The following TINAG variants were observed in gnomAD, a reference collection of about 807,000 sequenced individuals.
TINAG encodes the protein tubulointerstitial nephritis antigen.
TINAG carries 83 observed loss-of-function variants against 72.7 expected under a neutral mutation model. That is an observed-to-expected ratio of 1.14 (90% CI 0.96 to 1.37). The LOEUF is 1.37. Ranked by LOEUF, TINAG falls within the 40% of genes most tolerant of loss-of-function variation. TINAG has a pLI of 0.00. For synonymous variants in TINAG, 234 were observed against 189.9 expected (o/e 1.23, Z -1.91); for missense variants, 685 against 576.6 (o/e 1.19, Z -1.93).
intron 9 of TINAG, among the ~76,000 whole-genome samples, chr6:54,355,494 A>G (rs981890946): frequency 2.6e-5 from 4 of 151,920 alleles, no homozygotes; most frequent in African/African-American, 7.2e-5. Context: ...TATGTAGACA[A>G]GCTGTCCTGT....
chr6:54,312,789 G>T (rs565214395), intron 1 of TINAG, among the ~76,000 whole-genome samples: 1 of 152,136 alleles, frequency 6.6e-6, no homozygotes, highest in Non-Finnish European at 1.5e-5. Flanking sequence ...ACAATTCTGC[G>T]TGCAAGGTCT....
At chr6:54,317,913 A>C (rs927793869) in intron 1 of TINAG, among the ~76,000 whole-genome samples, 1 of 152,034 alleles carries the variant, frequency 6.6e-6, no homozygotes, top group Non-Finnish European at 1.5e-5. Context: ...CAAATGCAAT[A>C]TTCAGATGTC....
intron 5 of TINAG, among the ~76,000 whole-genome samples, chr6:54,345,273 A>T (rs1785093657): frequency 6.6e-6 from 1 of 152,146 alleles, no homozygotes; most frequent in South Asian, 2.1e-4. Context: ...CTAAACCATC[A>T]TTGAGATTCA....
Position 54,343,224 on chromosome 6 carries a change from A to T in TINAG, c.625-2A>T. The T allele has an allele frequency of 1.3e-6, 2 of 1,552,092 alleles. No homozygotes were observed. The highest frequency in any genetic ancestry group is 2.5e-5 in the South Asian group (2 of 78,560). On this transcript the variant is annotated splice_acceptor_variant, in intron 4 of 10. Coordinates refer to ENST00000259782, the MANE Select transcript of TINAG (RefSeq NM_014464.4). LOFTEE classifies it high-confidence loss of function. ...ATATATGTACCTCTTCTTCCTCTTTAGGCTTCTTTACCTGCAACAACTGAT... is the reference window on the plus strand; with the variant it reads ...ATATATGTACCTCTTCTTCCTCTTTTGGCTTCTTTACCTGCAACAACTGAT...
At chr6:54,360,986 T>C (rs1467927830) in intron 9 of TINAG, among the ~76,000 whole-genome samples, 1 of 150,818 alleles carries the variant, frequency 6.6e-6, no homozygotes, top group African/African-American at 2.4e-5. Context: ...CTCACAATAT[T>C]TCAAACTTTT....
chr6:54,343,484 G>A, intron 5 of TINAG, 135 bp downstream of exon 5: 1 of 946,068 alleles, frequency 1.1e-6, no homozygotes, highest in Non-Finnish European at 1.4e-6. Flanking sequence ...CATTATGATG[G>A]AAGAAAGTAA....
At chr6:54,333,920 A>G (rs1784802056) in intron 4 of TINAG, among the ~76,000 whole-genome samples, 1 of 152,190 alleles carries the variant, frequency 6.6e-6, no homozygotes. Context: ...TTCTGTTAAA[A>G]GCATATCTTC....
intron 9 of TINAG, among the ~76,000 whole-genome samples, chr6:54,364,957 A>T (rs553218930): frequency 6.6e-6 from 1 of 151,688 alleles, no homozygotes; most frequent in East Asian, 1.9e-4. Flanking sequence ...AAATTATTTG[A>T]CATAGTTTTG....
At chr6:54,327,293 C>A in intron 4 of TINAG, 1 of 1,103,616 alleles carries the variant, frequency 9.1e-7, no homozygotes, top group Middle Eastern at 2.6e-4. Flanking sequence ...GGGTGCAGCC[C>A]ATGGAGGGTG....
rs763241719 is a variant in TINAG, at chr6:54,347,426, C to G, written c.808C>G (p.Pro270Ala). The change falls in exon 6 of 11, where the codon CCT becomes GCT. Residue 270 changes from proline (P) to alanine (A), a missense_variant. Transcript: ENST00000259782. ...SKGRYTANLS[P>A]QNLISCCAKN... ...GGGTCGATACACGGCCAATCTATCC[C>G]CTCAGAATTTGATCTCTTGCTGTGC... 6.2e-7 allele frequency: 1 copy of G among 1,613,206 alleles called. No individual in the cohort carries two copies. The highest frequency in any genetic ancestry group is 8.5e-7 in the Non-Finnish European group (1 of 1,179,546).
rs116259027 is a variant in TINAG, at chr6:54,357,955, G to A, written c.1250+3319G>A. ...GGCTTATAAAGGGCCAACATATTCT[G>A]AGGACTCTCCTTCTCGCCGACTCCC... On this transcript the variant is annotated intron_variant, in intron 9 of 10. Coordinates refer to ENST00000259782, the MANE Select transcript of TINAG (RefSeq NM_014464.4). Among the ~76,000 whole-genome samples the A allele has an allele frequency of 7.7e-3, 1,163 of 151,924 alleles. 15 individuals are homozygous for A. Among genetic ancestry groups the A allele is most frequent in the African/African-American group, 0.025 (1,046 of 41,498 alleles).
intron 10 of TINAG, among the ~76,000 whole-genome samples, chr6:54,385,908 A>G (rs548331572): frequency 9.4e-6 from 1 of 105,920 alleles, no homozygotes; most frequent in Non-Finnish European, 1.7e-5. Flanking sequence ...TTTTTTTCAG[A>G]CGGAGTCTCA....
chr6:54,346,755 G>A (rs1220828914), intron 5 of TINAG, among the ~76,000 whole-genome samples: 2 of 151,914 alleles, frequency 1.3e-5, no homozygotes, highest in Non-Finnish European at 2.9e-5. Flanking sequence ...ACAAAAGTGT[G>A]CTATGTAGCC....
intron 10 of TINAG, among the ~76,000 whole-genome samples, chr6:54,387,658 A>C (rs1764133595): frequency 6.6e-6 from 1 of 152,134 alleles, no homozygotes; most frequent in Non-Finnish European, 1.5e-5. Flanking sequence ...ACATGTATAA[A>C]TTTACTAAGT....
chr6:54,362,435 C>T lies in TINAG; in HGVS notation c.1250+7799C>T, dbSNP rs190196039. On this transcript the variant is annotated intron_variant, in intron 9 of 10. Transcript: ENST00000259782. ...CAGCAAATCTGTTTATAACATGGTT[C>T]ATTGAATATTGTAAGCCCACTGTTG... is the stretch of plus-strand genomic sequence containing the variant. Among the ~76,000 whole-genome samples, 4 of 151,672 alleles carry T rather than the reference C, an allele frequency of 2.6e-5. No individual in the cohort carries two copies. In the East Asian group the frequency reaches 5.8e-4, roughly 22 times the overall value.
intron 4 of TINAG, among the ~76,000 whole-genome samples, chr6:54,334,742 C>T (rs1448571920): frequency 6.6e-6 from 1 of 152,152 alleles, no homozygotes; most frequent in Non-Finnish European, 1.5e-5. Context: ...TGGAACTCTA[C>T]TAAGTCTACT....
chr6:54,362,805 G>A (rs9395942), intron 9 of TINAG, among the ~76,000 whole-genome samples: 55,655 of 151,218 alleles, frequency 0.37, 13,009 homozygotes, highest in Middle Eastern at 0.55. Context: ...ACATTCACAG[G>A]AGTTTGGAAG....
intron 9 of TINAG, among the ~76,000 whole-genome samples, chr6:54,379,923 C>T (rs1054697720): frequency 2.0e-5 from 3 of 152,028 alleles, no homozygotes; most frequent in Non-Finnish European, 4.4e-5. Context: ...AATGCTATCC[C>T]TCCCTAGCCC....
At chr6:54,379,517 G>T (rs560841754) in intron 9 of TINAG, among the ~76,000 whole-genome samples, 1 of 151,992 alleles carries the variant, frequency 6.6e-6, no homozygotes, top group Non-Finnish European at 1.5e-5. Context: ...AAAATTCTAC[G>T]TTAGGCACAA....
Sources: gnomAD v4.1 joint callset for allele counts (sites outside exome capture counted in the v4.1 genomes callset) on GRCh38, gnomAD v4.1.1 for gene constraint, MANE v1.5 for transcripts, NCBI Gene and HGNC (gene_info 2026-07-23, HGNC 2026-07-21) for gene names.